MORC3: variants seen among roughly 807,000 people sequenced by gnomAD.
MORC3 encodes the protein MORC family CW-type zinc finger protein 3.
Under a neutral mutation model 109.1 loss-of-function variants are expected in MORC3, and 31 were observed. The ratio of observed to expected loss-of-function variants is 0.28; its 90% confidence interval spans 0.21 to 0.38. The LOEUF is 0.38. Ranked by LOEUF, MORC3 falls within the 10% of genes least tolerant of loss-of-function variation. The probability of loss-of-function intolerance (pLI) is 1.00; values close to 1 mark genes in which losing one functional copy is unlikely to be tolerated. For synonymous variants in MORC3, 395 were observed against 380.7 expected, an observed-to-expected ratio of 1.04 and a Z score of -0.44; for missense variants, 867 against 1,135.8, an observed-to-expected ratio of 0.76 and a Z score of 3.40.
chr21:36,325,184 A>G (rs1157329573), intron 1 of MORC3, among the ~76,000 whole-genome samples: 1 of 152,240 alleles, frequency 6.6e-6, no homozygotes, highest in East Asian at 1.9e-4. Flanking sequence ...CTGTTGGACC[A>G]TAAGTATATT....
chr21:36,325,245 A>C (rs1394070763), intron 1 of MORC3, among the ~76,000 whole-genome samples: 1 of 152,194 alleles, frequency 6.6e-6, no homozygotes, highest in Non-Finnish European at 1.5e-5. Flanking sequence ...AGAACAACAA[A>C]AACAAGATGC....
At chr21:36,357,691 ATTGTTTTGAAGTTTCGGAT>A (rs2085660335) in intron 10 of MORC3, among the ~76,000 whole-genome samples, 1 of 147,846 alleles carries the variant, frequency 6.8e-6, no homozygotes, top group African/African-American at 2.5e-5. Context: ...AAACCTCTAG[ATTGTTTTGAAGTTTCGGAT>A]TTGTTTGGTT....
chr21:36,365,061 A>AC (rs1555909432), intron 14 of MORC3, among the ~76,000 whole-genome samples: 2 of 151,726 alleles, frequency 1.3e-5, no homozygotes, highest in African/African-American at 4.8e-5. Flanking sequence ...CAAAAAAAAA[A>AC]AAAAAAAAAC....
At chr21:36,341,101 T>G (rs1033888965) in intron 5 of MORC3, among the ~76,000 whole-genome samples, 1 of 152,228 alleles carries the variant, frequency 6.6e-6, no homozygotes, top group Non-Finnish European at 1.5e-5. Context: ...TTTTCTGAAA[T>G]AAATATCTAG....
At chr21:36,363,807 C>A (rs187826265) in intron 13 of MORC3, among the ~76,000 whole-genome samples, 2 of 152,296 alleles carry the variant, frequency 1.3e-5, no homozygotes, top group African/African-American at 4.8e-5. Flanking sequence ...CATGGTAAAT[C>A]TTTTTGGCTT....
At chr21:36,330,276 T>C (rs2085300649) in intron 1 of MORC3, among the ~76,000 whole-genome samples, 2 of 152,322 alleles carry the variant, frequency 1.3e-5, no homozygotes, top group South Asian at 4.1e-4. Flanking sequence ...CAGCCTCTTC[T>C]GTCTTATGCC....
rs369658034 is a variant in MORC3, at chr21:36,375,424, A to G, written c.*128A>G. The G allele has an allele frequency of 7.5e-5, 58 of 776,604 alleles. No individual in the cohort carries two copies. Among genetic ancestry groups the G allele is most frequent in the African/African-American group, 1.6e-4 (9 of 56,326 alleles). The allele number at this position is 776,604 out of a possible 1,614,324, so 48.1% of individuals were successfully genotyped here. A position where few individuals can be genotyped will look rare whatever the true frequency, so the allele number is the denominator to read the frequency against. ...AAAACCATAATCTTTACTGTATTCTATGCATTCAAATGTGGTCACAAATAT... is the reference window on the plus strand; with the variant it reads ...AAAACCATAATCTTTACTGTATTCTGTGCATTCAAATGTGGTCACAAATAT... On this transcript the variant is annotated 3_prime_UTR_variant, in exon 17 of 17. Coordinates refer to ENST00000400485, the MANE Select transcript of MORC3 (RefSeq NM_015358.3).
At chr21:36,357,216 G>A (rs1183404419) in intron 10 of MORC3, among the ~76,000 whole-genome samples, 2 of 152,024 alleles carry the variant, frequency 1.3e-5, no homozygotes, top group Non-Finnish European at 2.9e-5. Context: ...ACACATCACA[G>A]GATAACAGTC....
chr21:36,375,233 T>C lies in MORC3; in HGVS notation c.2757T>C (p.Val919=). ...ATCTTCAGCAAGTGAATTACGATGTTGATGTAGTTGATGAGATTTTAGGAC... is the reference window on the plus strand; with the variant it reads ...ATCTTCAGCAAGTGAATTACGATGTCGATGTAGTTGATGAGATTTTAGGAC... The part of the protein sequence containing the change: ...DLDLQQVNYD[V]DVVDEILGQV... Residue 919 remains valine (V), a synonymous_variant, in exon 17 of 17, where the codon GTT becomes GTC. Coordinates refer to ENST00000400485, the MANE Select transcript of MORC3 (RefSeq NM_015358.3). 6.2e-7 allele frequency: 1 copy of C among 1,613,854 alleles called. No individual in the cohort carries two copies. Among genetic ancestry groups the C allele is most frequent in the South Asian group, 1.1e-5 (1 of 91,076 alleles).
At chr21:36,339,007 A>G (rs2146301227) in intron 5 of MORC3, 86 bp downstream of exon 5, 2 of 1,426,226 alleles carry the variant, frequency 1.4e-6, no homozygotes, top group East Asian at 4.7e-5. Flanking sequence ...CGTTACACAC[A>G]GTAGAAATAC....
intron 1 of MORC3, among the ~76,000 whole-genome samples, chr21:36,330,808 G>T (rs1312398337): frequency 2.6e-5 from 4 of 152,142 alleles, no homozygotes; most frequent in African/African-American, 9.7e-5. Context: ...TTTCCTGATG[G>T]CTCACTTTTG....
chr21:36,364,650 A>G (rs988062797), intron 14 of MORC3, among the ~76,000 whole-genome samples: 2 of 152,072 alleles, frequency 1.3e-5, no homozygotes, highest in Non-Finnish European at 2.9e-5. Flanking sequence ...CCGTCTCAAA[A>G]AAAAAAAGCA....
chr21:36,347,021 A>AAC (rs1555907657), intron 8 of MORC3, among the ~76,000 whole-genome samples: 2 of 151,130 alleles, frequency 1.3e-5, no homozygotes, highest in African/African-American at 4.9e-5. Context: ...AAAAAAAAAA[A>AAC]AAAAACAAAG....
chr21:36,355,807 T>A (rs2146323054), intron 9 of MORC3, among the ~76,000 whole-genome samples: 2 of 149,844 alleles, frequency 1.3e-5, no homozygotes, highest in Admixed American at 6.7e-5. Context: ...AAAAAAAAAA[T>A]TAGCCAGGTG....
At chr21:36,345,123 A>T in intron 8 of MORC3, 92 bp downstream of exon 8, 1 of 1,308,928 alleles carries the variant, frequency 7.6e-7, no homozygotes, top group Non-Finnish European at 1.0e-6. Flanking sequence ...AAATAATTTT[A>T]TTGTACCTTT....
chr21:36,353,703 C>T (rs1386981745), intron 9 of MORC3, among the ~76,000 whole-genome samples: 1 of 149,028 alleles, frequency 6.7e-6, no homozygotes, highest in Non-Finnish European at 1.5e-5. Context: ...ATCTCAGCCT[C>T]CCAAGTAGCT....
At chr21:36,345,075 CA>C (rs2085492618) in intron 8 of MORC3, 44 bp downstream of exon 8, 1 of 1,538,816 alleles carries the variant, frequency 6.5e-7, no homozygotes, top group South Asian at 1.2e-5. Context: ...CTATTTTCCA[CA>C]AAAGTTAGGA....
chr21:36,330,347 C>A (rs2085301273), intron 1 of MORC3, among the ~76,000 whole-genome samples: 4 of 152,298 alleles, frequency 2.6e-5, no homozygotes, highest in African/African-American at 9.6e-5. Context: ...TTGTCTTAAC[C>A]CAAACATTTC....
At position 36,340,997 on chromosome 21, in the gene MORC3, A is replaced by G. The variant is rs2085439466; in HGVS notation, c.609-402A>G. ...TGTATGTATGGAACCCAGTGTGTTTACCTATTCAAGACATCTAGGTTTGTA... is the reference window on the plus strand; with the variant it reads ...TGTATGTATGGAACCCAGTGTGTTTGCCTATTCAAGACATCTAGGTTTGTA... On this transcript the variant is annotated intron_variant, in intron 5 of 16. Coordinates refer to ENST00000400485, the MANE Select transcript of MORC3 (RefSeq NM_015358.3). 2.6e-5 allele frequency among the ~76,000 whole-genome samples: 4 copies of G among 152,130 alleles called. No homozygotes were observed. The South Asian group carries it at 8.3e-4, about 32-fold the overall frequency.
Sources: gnomAD v4.1 joint callset for allele counts (sites outside exome capture counted in the v4.1 genomes callset) on GRCh38, gnomAD v4.1.1 for gene constraint, MANE v1.5 for transcripts, NCBI Gene and HGNC (gene_info 2026-07-23, HGNC 2026-07-21) for gene names.